ZGRF1: variants seen among roughly 807,000 people sequenced by gnomAD.
ZGRF1 encodes 5'-3' DNA helicase ZGRF1.
Under a neutral mutation model 203.5 loss-of-function variants are expected in ZGRF1, and 196 were observed. The ratio of observed to expected loss-of-function variants is 0.96; its 90% CI spans 0.86 to 1.08. The LOEUF (loss-of-function observed/expected upper bound fraction) is 1.08. ZGRF1 is among the 50% of genes least tolerant of loss of function. The probability of loss-of-function intolerance (pLI) is 0.00; values close to 1 mark genes in which losing one functional copy is unlikely to be tolerated. For missense variants in ZGRF1, 2,326 were observed against 2,416.3 expected, an observed-to-expected ratio of 0.96 and a Z score of 0.78; for synonymous variants, 809 against 841.3, an observed-to-expected ratio of 0.96 and a Z score of 0.66.
At chr4:112,542,357 T>C (rs1281186099) in intron 24 of ZGRF1, among the ~76,000 whole-genome samples, 2 of 152,154 alleles carry the variant, frequency 1.3e-5, no homozygotes, top group Non-Finnish European at 2.9e-5. Flanking sequence ...GTGATCAACA[T>C]ATTTATGACA....
At position 112,633,185 on chromosome 4, in the gene ZGRF1, C is replaced by T. The variant is rs2047469445; in HGVS notation, c.-9G>A. The T allele has an allele frequency of 6.2e-7, 1 of 1,608,324 alleles. No homozygotes were observed. The highest frequency in any genetic ancestry group is 1.3e-5 in the African/African-American group (1 of 74,888). On this transcript the variant is annotated 5_prime_UTR_variant, in exon 2 of 28. Coordinates refer to ENST00000505019, the MANE Select transcript of ZGRF1 (RefSeq NM_018392.5). ...AATTCTTGGCTTTCCATTATTTCTT[C>T]TGAAGTTATAAACCAGCTGGGTCCA...
chr4:112,562,467 A>G lies in ZGRF1; in HGVS notation c.4601T>C (p.Leu1534Ser), dbSNP rs1158526185. The G allele has an allele frequency of 6.2e-7, 1 of 1,604,544 alleles. No individual in the cohort carries two copies. The highest frequency in any genetic ancestry group is 1.7e-5 in the Admixed American group (1 of 59,046). ...WPTNMVVHAL[L>S]VCNASTELTT... ...CAGTTCTGTGCTAGCATTACAAACC[A>G]ATAACGCATGGACAACCACTGTACA... The change falls in exon 18 of 28, where the codon TTG (leucine) becomes TCG (serine). Residue 1534 changes from leucine (L) to serine (S), a missense_variant. Physicochemically the swap from Leu to Ser is moderately radical, Grantham distance 145 (BLOSUM62 -2). Transcript: ENST00000505019.
At position 112,599,385 on chromosome 4, in the gene ZGRF1, TA is replaced by T. The variant is rs566531719; in HGVS notation, c.2976+4138del. On this transcript the variant is annotated intron_variant, in intron 10 of 27. Transcript: ENST00000505019. The stretch of plus-strand genomic sequence containing the variant: ...CTAGTTCTAAACATATATGCAAATG[TA>T]AAAAAATGAGAAGAATGAGGTGGGA... Among the ~76,000 whole-genome samples the T allele has an allele frequency of 6.6e-4, 101 of 152,022 alleles. 1 individual carries two copies. The highest frequency in any genetic ancestry group is 2.4e-3 in the African/African-American group (98 of 41,502).
chr4:112,615,158 C>G (rs1034904236), intron 6 of ZGRF1, among the ~76,000 whole-genome samples: 12 of 152,194 alleles, frequency 7.9e-5, no homozygotes, highest in Non-Finnish European at 1.6e-4. Context: ...CTTCACAGAA[C>G]TACTGCAAAT....
rs563534997 is a variant in ZGRF1, at chr4:112,619,398, G to A, written c.644C>T (p.Ser215Leu). 156 of 1,613,206 alleles carry A rather than the reference G, an allele frequency of 9.7e-5. 3 individuals carry two copies. The South Asian group carries it at 1.4e-3, about 14-fold the overall frequency. ...EVLCEENYFC[S>L]PVNSGNKLSD... ...AAGCTTATTTCCAGAATTGACAGGT[G>A]AGCAAAAATAATTTTCTTCACACAG... Residue 215 changes from serine to leucine, a missense_variant, in exon 6 of 28, where the codon TCA becomes TTA. Physicochemically the swap from Ser to Leu is moderately radical, Grantham distance 145. Coordinates refer to ENST00000505019, the MANE Select transcript of ZGRF1 (RefSeq NM_018392.5).
intron 8 of ZGRF1, 135 bp downstream of exon 8, chr4:112,609,244 G>A (rs1012858182): frequency 1.5e-5 from 4 of 272,348 alleles, no homozygotes; most frequent in African/African-American, 6.9e-5. Flanking sequence ...TGGTAGAGAC[G>A]GGGTTTTACC....
In ZGRF1 at chr4:112,609,388, C is replaced by A; in HGVS notation, c.2709G>T (p.Gln903His). ...EDEVELSEPL[Q>H]SVQFSSSGSK... ...ATTTTAAATAACTTACCTGCACAGACTGAAGTGGTTCACTTAGTTCAACTT... is the reference window on the plus strand; with the variant it reads ...ATTTTAAATAACTTACCTGCACAGAATGAAGTGGTTCACTTAGTTCAACTT... The change falls in exon 8 of 28, where the codon CAG (glutamine) becomes CAT (histidine). Residue 903 changes from glutamine (Q) to histidine (H), a missense_variant. Gln to His is a conservative substitution (Grantham distance 24, BLOSUM62 0). Transcript: ENST00000505019. The A allele has an allele frequency of 6.4e-7, 1 of 1,572,524 alleles. No homozygotes were observed. The highest frequency in any genetic ancestry group is 1.1e-5 in the South Asian group (1 of 89,084).
At chr4:112,548,504 C>G in intron 22 of ZGRF1, 124 bp from the exon 23 acceptor site, 1 of 676,782 alleles carries the variant, frequency 1.5e-6, no homozygotes, top group Non-Finnish European at 2.3e-6. Flanking sequence ...TCCTAGCCAT[C>G]AGAAATCTTA....
At chr4:112,595,751 A>G (rs1423490828) in intron 10 of ZGRF1, among the ~76,000 whole-genome samples, 1 of 152,222 alleles carries the variant, frequency 6.6e-6, no homozygotes, top group African/African-American at 2.4e-5. Context: ...AACTGGTTGA[A>G]ATAGTAAATT....
rs1275773329 is a variant in ZGRF1 at position 112,617,476 on chromosome 4, T to G, written c.2566A>C (p.Thr856Pro). ...CTATCTGGCTCATACGTCTGTTGAG[T>G]TCCTTGCTGAAAGACAGTATTTTTC... The part of the protein sequence containing the change: ...KKKNTVFQQG[T>P]QQTYEPDSPP... Residue 856 changes from threonine (T) to proline (P), a missense_variant, in exon 6 of 28, where the codon ACT (threonine) becomes CCT (proline). Physicochemically the swap from Thr to Pro is conservative, Grantham distance 38 (BLOSUM62 -1). Transcript: ENST00000505019. The G allele has an allele frequency of 6.3e-7, 1 of 1,584,650 alleles. No individual in the cohort carries two copies. Among genetic ancestry groups the G allele is most frequent in the South Asian group, 1.2e-5 (1 of 84,908 alleles).
chr4:112,572,912 C>T (rs1744448694), intron 16 of ZGRF1, among the ~76,000 whole-genome samples: 1 of 151,920 alleles, frequency 6.6e-6, no homozygotes, highest in African/African-American at 2.4e-5. Context: ...TAGATGTTGG[C>T]AGGGATGAAA....
At chr4:112,621,669 T>A (rs895583336) in intron 4 of ZGRF1, among the ~76,000 whole-genome samples, 2 of 147,598 alleles carry the variant, frequency 1.4e-5, no homozygotes, top group Admixed American at 1.4e-4. Context: ...AAAAAAAAAA[T>A]TATCAGCTGA....
chr4:112,603,613 T>G lies in ZGRF1; in HGVS notation c.2887A>C (p.Ser963Arg), dbSNP rs17854335. 6.2e-7 allele frequency: 1 copy of G among 1,613,802 alleles called. No individual in the cohort carries two copies. The highest frequency in any genetic ancestry group is 8.5e-7 in the Non-Finnish European group (1 of 1,179,794). Reference protein sequence around the residue: ...VRGHSSQLGCSQFPDSTEYEN... With the variant: ...VRGHSSQLGCRQFPDSTEYEN... ...TACTCAGTGCTATCTGGAAACTGACTGCATCCTAGCTGTGAGCTGTGTCCT... is the reference window on the plus strand; with the variant it reads ...TACTCAGTGCTATCTGGAAACTGACGGCATCCTAGCTGTGAGCTGTGTCCT... Residue 963 changes from serine (S) to arginine (R), a missense_variant, in exon 10 of 28, where the codon AGT becomes CGT. Physicochemically the swap from Ser to Arg is moderately radical, Grantham distance 110. Transcript: ENST00000505019.
At chr4:112,562,076 A>G (rs1235366438) in intron 18 of ZGRF1, among the ~76,000 whole-genome samples, 2 of 151,882 alleles carry the variant, frequency 1.3e-5, no homozygotes, top group Non-Finnish European at 2.9e-5. Flanking sequence ...TGCCCAGCTA[A>G]TTTTGTATTT....
chr4:112,636,040 CCTTT>C (rs1178337611), intron 1 of ZGRF1, among the ~76,000 whole-genome samples: 1 of 151,584 alleles, frequency 6.6e-6, no homozygotes, highest in Non-Finnish European at 1.5e-5. Context: ...AAGTCAACAC[CCTTT>C]CTTATCTTAG....
intron 3 of ZGRF1, among the ~76,000 whole-genome samples, chr4:112,625,482 G>A (rs2047207096): frequency 6.6e-6 from 1 of 151,552 alleles, no homozygotes; most frequent in Non-Finnish European, 1.5e-5. Context: ...CTATTCGGGA[G>A]GCTGAGGCAG....
chr4:112,590,697 G>A (rs992063443), intron 10 of ZGRF1, among the ~76,000 whole-genome samples: 1 of 151,894 alleles, frequency 6.6e-6, no homozygotes, highest in Admixed American at 6.6e-5. Flanking sequence ...AGGCTGAGGC[G>A]GGTGGATCAC....
intron 16 of ZGRF1, among the ~76,000 whole-genome samples, chr4:112,570,481 G>A (rs1386410967): frequency 1.3e-5 from 2 of 151,980 alleles, no homozygotes; most frequent in African/African-American, 4.8e-5. Flanking sequence ...CCAGCTACTT[G>A]GGAGGCTGAG....
rs1187256569 is a variant in ZGRF1, at chr4:112,548,412, AATT to A, written c.5347-35_5347-33del. On this transcript the variant is annotated intron_variant, in intron 22 of 27. Coordinates refer to ENST00000505019, the MANE Select transcript of ZGRF1 (RefSeq NM_018392.5). ...TACAACAAAAATGTTATTAATTAAC[AATT>A]ATTAAAAGAAAATAAGAGAACGTAT... The A allele has an allele frequency of 2.6e-6, 4 of 1,514,710 alleles. No homozygotes were observed. In the African/African-American group the frequency reaches 5.6e-5, roughly 21 times the overall value. The allele number at this position is 1,514,710 out of a possible 1,614,324, so 93.8% of individuals were successfully genotyped here.
Sources: gnomAD v4.1 joint callset for allele counts (sites outside exome capture counted in the v4.1 genomes callset) on GRCh38, gnomAD v4.1.1 for gene constraint, MANE v1.5 for transcripts, NCBI Gene and HGNC (gene_info 2026-07-23, HGNC 2026-07-21) for gene names.